Variants in CAMK1D observed in about 807,000 individuals in gnomAD.
CAMK1D encodes calcium/calmodulin dependent protein kinase ID, also known as calcium/calmodulin-dependent protein kinase type 1D.
CAMK1D carries 9 observed loss-of-function variants against 47.7 expected under a neutral mutation model. The observed-to-expected ratio is 0.19, with a 90% CI of 0.11 to 0.33. The LOEUF is 0.33. Among genes scored for constraint, CAMK1D ranks in the 10% least tolerant of loss-of-function variants. The probability of loss-of-function intolerance (pLI) is 1.00; values close to 1 mark genes in which losing one functional copy is unlikely to be tolerated. For missense variants in CAMK1D, 291 were observed against 488.7 expected, an observed-to-expected ratio of 0.60 and a Z score of 3.81; for synonymous variants, 184 against 184.9, an observed-to-expected ratio of 0.99 and a Z score of 0.04.
At chr10:12,425,150 A>G (rs1306995459) in intron 1 of CAMK1D, among the ~76,000 whole-genome samples, 1 of 151,930 alleles carries the variant, frequency 6.6e-6, no homozygotes, top group Non-Finnish European at 1.5e-5. Flanking sequence ...AGTCTGACCC[A>G]TGGTCCCTTC....
At chr10:12,363,917 G>C (rs188475680) in intron 1 of CAMK1D, among the ~76,000 whole-genome samples, 1 of 152,244 alleles carries the variant, frequency 6.6e-6, no homozygotes, top group Non-Finnish European at 1.5e-5. Flanking sequence ...CTGTGAACAT[G>C]GGTGTACAAT....
intron 1 of CAMK1D, among the ~76,000 whole-genome samples, chr10:12,414,819 T>C (rs1222571402): frequency 6.6e-6 from 1 of 152,256 alleles, no homozygotes; most frequent in Non-Finnish European, 1.5e-5. Flanking sequence ...CCATTTGGCT[T>C]GGCCTGTGTA....
At chr10:12,697,646 G>A (rs1833350224) in intron 3 of CAMK1D, among the ~76,000 whole-genome samples, 1 of 152,164 alleles carries the variant, frequency 6.6e-6, no homozygotes, top group African/African-American at 2.4e-5. Context: ...TGATCTGCTC[G>A]CCTTGGCCTC....
intron 1 of CAMK1D, among the ~76,000 whole-genome samples, chr10:12,528,614 G>A (rs1003010241): frequency 3.3e-5 from 5 of 151,978 alleles, no homozygotes; most frequent in African/African-American, 1.2e-4. Context: ...CCCACCTCCT[G>A]ATTTTAAAAA....
chr10:12,782,455 T>C (rs991437795), intron 5 of CAMK1D, among the ~76,000 whole-genome samples: 14 of 152,190 alleles, frequency 9.2e-5, no homozygotes, highest in African/African-American at 2.9e-4. Flanking sequence ...TTAATTTTAT[T>C]TTTCCTGATC....
chr10:12,777,910 A>AT (rs1024488657), intron 5 of CAMK1D, among the ~76,000 whole-genome samples: 75 of 152,328 alleles, frequency 4.9e-4, no homozygotes, highest in African/African-American at 1.8e-3. Context: ...GCCCAGCCCC[A>AT]TTTGGCAGCT....
At chr10:12,674,762 G>C (rs946008943) in intron 3 of CAMK1D, among the ~76,000 whole-genome samples, 8 of 151,732 alleles carry the variant, frequency 5.3e-5, no homozygotes, top group African/African-American at 1.7e-4. Flanking sequence ...GGTCAGGCGC[G>C]GTGGCTCACG....
intron 2 of CAMK1D, among the ~76,000 whole-genome samples, chr10:12,643,034 C>T (rs369994137): frequency 2.2e-4 from 33 of 152,202 alleles, no homozygotes; most frequent in African/African-American, 7.2e-4. Context: ...CGGAGTCTTA[C>T]TCTGTTTCCT....
intron 1 of CAMK1D, among the ~76,000 whole-genome samples, chr10:12,411,933 G>C (rs1185458404): frequency 6.6e-6 from 1 of 152,188 alleles, no homozygotes; most frequent in Admixed American, 6.5e-5. Context: ...GTTGATAGTA[G>C]CTACAAAGTC....
intron 1 of CAMK1D, among the ~76,000 whole-genome samples, chr10:12,421,362 T>A (rs1215713183): frequency 2.0e-5 from 3 of 152,106 alleles, no homozygotes; most frequent in Non-Finnish European, 4.4e-5. Context: ...CTTTGCCCGA[T>A]GATGTCCCGG....
At chr10:12,632,809 G>C (rs7896675) in intron 2 of CAMK1D, among the ~76,000 whole-genome samples, 103,488 of 151,952 alleles carry the variant, frequency 0.68, 35,531 homozygotes, top group South Asian at 0.79. Flanking sequence ...ATTCTCTTGC[G>C]TCAGCCTCCC....
intron 6 of CAMK1D, among the ~76,000 whole-genome samples, chr10:12,812,722 G>T (rs536726458): frequency 6.6e-6 from 1 of 152,258 alleles, no homozygotes; most frequent in East Asian, 1.9e-4. Flanking sequence ...TGGCCTTCTG[G>T]AATCAAGCTC....
chr10:12,394,109 G>C (rs1324149516), intron 1 of CAMK1D, among the ~76,000 whole-genome samples: 1 of 152,198 alleles, frequency 6.6e-6, no homozygotes, highest in Non-Finnish European at 1.5e-5. Flanking sequence ...ACACACGTTT[G>C]ATCGTTTGCG....
rs1833459861 is a variant in CAMK1D at position 12,833,851 on chromosome 10, A to C, written c.*4964A>C. The C allele has an allele frequency of 2.0e-5, 3 of 147,628 alleles. No individual in the cohort carries two copies. The highest frequency in any genetic ancestry group is 7.6e-5 in the African/African-American group (3 of 39,492). 9.1% of individuals were successfully genotyped at this position (147,628 alleles called of 1,614,324 possible). ...ACTGTACTTCTTCCCTATTCTGTCTACCCACACTCTGCGAACTTTGCCTTT... is the reference window on the plus strand; with the variant it reads ...ACTGTACTTCTTCCCTATTCTGTCTCCCCACACTCTGCGAACTTTGCCTTT... On this transcript the variant is annotated 3_prime_UTR_variant, in exon 11 of 11. Coordinates refer to ENST00000619168, the MANE Select transcript of CAMK1D (RefSeq NM_153498.4).
intron 1 of CAMK1D, among the ~76,000 whole-genome samples, chr10:12,406,011 G>A (rs933052209): frequency 5.9e-5 from 9 of 152,296 alleles, no homozygotes; most frequent in Admixed American, 3.9e-4. Flanking sequence ...AGAGGACTGG[G>A]CTTTGAGGAG....
At chr10:12,774,354 G>A (rs1588911180) in intron 5 of CAMK1D, among the ~76,000 whole-genome samples, 1 of 152,072 alleles carries the variant, frequency 6.6e-6, no homozygotes, top group Non-Finnish European at 1.5e-5. Context: ...CGAGAGAACC[G>A]ACCATGCAGG....
chr10:12,445,934 C>A (rs575306921), intron 1 of CAMK1D, among the ~76,000 whole-genome samples: 188 of 152,068 alleles, frequency 1.2e-3, no homozygotes, highest in African/African-American at 4.4e-3. Flanking sequence ...CTAATTTTAG[C>A]CATAACAAAT....
intron 1 of CAMK1D, among the ~76,000 whole-genome samples, chr10:12,491,945 C>T (rs185815671): frequency 0.011 from 1,691 of 152,170 alleles, 39 homozygotes; most frequent in East Asian, 0.045. Context: ...ACCACCACAC[C>T]TGGCTAATTT....
chr10:12,714,634 G>A (rs1834051146), intron 3 of CAMK1D, among the ~76,000 whole-genome samples: 1 of 152,068 alleles, frequency 6.6e-6, no homozygotes, highest in Non-Finnish European at 1.5e-5. Flanking sequence ...CAGGAGAATT[G>A]CTTTAATCCA....
Sources: gnomAD v4.1 joint callset for allele counts (sites outside exome capture counted in the v4.1 genomes callset) on GRCh38, gnomAD v4.1.1 for gene constraint, MANE v1.5 for transcripts, NCBI Gene and HGNC (gene_info 2026-07-23, HGNC 2026-07-21) for gene names.